The following SRGAP2C variants were observed in gnomAD, a reference collection of about 807,000 sequenced individuals.
SRGAP2C encodes the protein SLIT-ROBO Rho GTPase activating protein 2C.
A neutral mutation model predicts 25.1 loss-of-function variants in SRGAP2C; 15 were observed. The ratio of observed to expected loss-of-function variants is 0.60; its 90% CI spans 0.40 to 0.92. The LOEUF (loss-of-function observed/expected upper bound fraction) is 0.92, where lower values mean the gene tolerates loss of function less well. SRGAP2C is among the 40% of genes least tolerant of loss of function. SRGAP2C has a pLI of 0.00. For missense variants in SRGAP2C, 144 were observed against 264.4 expected, an observed-to-expected ratio of 0.54 and a Z score of 3.16; for synonymous variants, 44 against 96.6, an observed-to-expected ratio of 0.46 and a Z score of 3.19.
chr1:121,362,587 A>T (rs587681552), intron 4 of SRGAP2C, among the ~76,000 whole-genome samples: 3 of 151,518 alleles, frequency 2.0e-5, no homozygotes, highest in Admixed American at 2.0e-4. Flanking sequence ...TTTCTCCTTT[A>T]ACCTCTGCCA....
intron 4 of SRGAP2C, among the ~76,000 whole-genome samples, chr1:121,340,665 C>T (rs1658631724): frequency 2.0e-5 from 3 of 150,842 alleles, no homozygotes; most frequent in Admixed American, 1.3e-4. Flanking sequence ...AAAACAGATT[C>T]ATGAAAAGTA....
At chr1:121,332,448 A>G (rs1209041252) in intron 4 of SRGAP2C, among the ~76,000 whole-genome samples, 2 of 147,936 alleles carry the variant, frequency 1.4e-5, no homozygotes, top group African/African-American at 5.0e-5. Flanking sequence ...AAATCTGGTG[A>G]CAAAGGGTGA....
In SRGAP2C at chr1:121,321,838, C is replaced by T. The variant is rs1553341164; in HGVS notation, c.261-2640C>T. 2.5e-3 allele frequency among the ~76,000 whole-genome samples: 387 copies of T among 152,322 alleles called. 6 individuals are homozygous for T. The East Asian group carries it at 0.027, about 11-fold the overall frequency. On this transcript the variant is annotated intron_variant, in intron 3 of 9. Transcript: ENST00000367123. ...TTTGAGGACACCCTGGGGATATGTGCTCTGCATCCTTTCCCATGGTGTTAG... is the reference window on the plus strand; with the variant it reads ...TTTGAGGACACCCTGGGGATATGTGTTCTGCATCCTTTCCCATGGTGTTAG...
intron 3 of SRGAP2C, among the ~76,000 whole-genome samples, chr1:121,306,309 G>C (rs1430048228): frequency 1.5e-5 from 2 of 136,604 alleles, no homozygotes; most frequent in Non-Finnish European, 3.1e-5. Flanking sequence ...ATTGCTTTCA[G>C]AATCCTCATT....
At chr1:121,293,699 A>G (rs1657537012) in intron 3 of SRGAP2C, among the ~76,000 whole-genome samples, 1 of 151,114 alleles carries the variant, frequency 6.6e-6, no homozygotes, top group African/African-American at 2.4e-5. Context: ...GACTGGTCCC[A>G]GAATAGTTCA....
At chr1:121,359,802 G>T (rs3866237) in intron 4 of SRGAP2C, among the ~76,000 whole-genome samples, 16 of 152,302 alleles carry the variant, frequency 1.1e-4, no homozygotes, top group East Asian at 9.6e-4. Flanking sequence ...AAGAAAAAAA[G>T]AAGATAAAAG....
At chr1:121,211,042 G>A (rs1282160223) in intron 2 of SRGAP2C, among the ~76,000 whole-genome samples, 2 of 136,502 alleles carry the variant, frequency 1.5e-5, no homozygotes, top group African/African-American at 2.8e-5. Context: ...TAGGAATGGC[G>A]GACATAATCT....
At chr1:121,335,640 A>T (rs1258946340) in intron 4 of SRGAP2C, among the ~76,000 whole-genome samples, 1 of 150,420 alleles carries the variant, frequency 6.6e-6, no homozygotes, top group East Asian at 2.0e-4. Context: ...TTTTTTAGAG[A>T]TGGGGTCTCG....
chr1:121,350,742 A>C (rs1290333031), intron 4 of SRGAP2C, among the ~76,000 whole-genome samples: 1 of 152,082 alleles, frequency 6.6e-6, no homozygotes, highest in Non-Finnish European at 1.5e-5. Context: ...AAAAATAAAT[A>C]AATTGAACTT....
intron 4 of SRGAP2C, among the ~76,000 whole-genome samples, chr1:121,358,819 T>C (rs1659121023): frequency 2.5e-5 from 1 of 39,638 alleles, no homozygotes; most frequent in African/African-American, 9.3e-5. Flanking sequence ...TAGCTTGCTG[T>C]GGAATTAGGT....
rs1437284086 is a variant in SRGAP2C, at chr1:121,354,294, C to A, written c.424-10999C>A. Among the ~76,000 whole-genome samples the A allele has an allele frequency of 3.2e-5, 2 of 61,652 alleles. 1 individual carries two copies. Among genetic ancestry groups the A allele is most frequent in the Non-Finnish European group, 6.0e-5 (2 of 33,086 alleles). 40.4% of individuals were successfully genotyped at this position (61,652 alleles called of 152,430 possible). On this transcript the variant is annotated intron_variant, in intron 4 of 9. Coordinates refer to ENST00000367123, the MANE Select transcript of SRGAP2C (RefSeq NM_001329984.2). ...TCTTTCTTTCTTTCTTTCTTTCTTT[C>A]TTTCTTTCTTTCTTTCTTTCTTTCT...
intron 2 of SRGAP2C, among the ~76,000 whole-genome samples, chr1:121,254,069 T>C (rs1656399648): frequency 2.7e-5 from 4 of 149,242 alleles, no homozygotes; most frequent in Admixed American, 2.7e-4. Context: ...TGCGCCACCA[T>C]GCCCAGCTAA....
At chr1:121,335,721 T>C (rs1658501332) in intron 4 of SRGAP2C, among the ~76,000 whole-genome samples, 1 of 149,350 alleles carries the variant, frequency 6.7e-6, no homozygotes, top group Admixed American at 6.7e-5. Flanking sequence ...CCAATTATTG[T>C]ATGTATATTT....
intron 2 of SRGAP2C, among the ~76,000 whole-genome samples, chr1:121,219,439 GTGTA>G (rs1655476784): frequency 3.4e-5 from 1 of 29,408 alleles, no homozygotes; most frequent in Admixed American, 3.7e-4. Context: ...TTACTTATGT[GTGTA>G]TCTCCAGTGT....
chr1:121,278,167 G>T (rs1462251697), intron 2 of SRGAP2C, among the ~76,000 whole-genome samples: 1 of 151,816 alleles, frequency 6.6e-6, no homozygotes, highest in Admixed American at 6.6e-5. Flanking sequence ...GGCTCGTCTG[G>T]AACTCCTGAG....
chr1:121,335,387 T>TAAATAAAA (rs1658491509), intron 4 of SRGAP2C, among the ~76,000 whole-genome samples: 1 of 108,834 alleles, frequency 9.2e-6, no homozygotes, highest in South Asian at 2.6e-4. Context: ...AATAAATAAA[T>TAAATAAAA]AAAACAACCA....
chr1:121,312,500 C>A (rs1657987547), intron 3 of SRGAP2C, among the ~76,000 whole-genome samples: 1 of 49,180 alleles, frequency 2.0e-5, no homozygotes, highest in African/African-American at 7.9e-5. Context: ...TTTTCTAGTT[C>A]TTTTAATTGT....
At chr1:121,283,758 C>T (rs2101566784) in intron 2 of SRGAP2C, among the ~76,000 whole-genome samples, 1 of 151,574 alleles carries the variant, frequency 6.6e-6, no homozygotes, top group African/African-American at 2.4e-5. Flanking sequence ...GACATAACTT[C>T]AGCAGGATAC....
chr1:121,295,257 A>G lies in SRGAP2C; in HGVS notation c.260+10262A>G, dbSNP rs1351191305. Among the ~76,000 whole-genome samples the G allele has an allele frequency of 7.4e-5, 11 of 147,696 alleles. No individual in the cohort carries two copies. The East Asian group carries it at 2.2e-3, about 30-fold the overall frequency. On this transcript the variant is annotated intron_variant, in intron 3 of 9. Coordinates refer to ENST00000367123, the MANE Select transcript of SRGAP2C (RefSeq NM_001329984.2). ...TGAGTTTGTATTGTGGAGGGCCTTG[A>G]CTCTTGATTAGGGATTTGGCTCTAT...
Sources: allele counts gnomAD v4.1 joint callset (sites outside exome capture counted in the v4.1 genomes callset), GRCh38; gene constraint gnomAD v4.1.1; transcripts MANE v1.5; gene names NCBI Gene and HGNC (gene_info 2026-07-23, HGNC 2026-07-21).